The following PPM1E variants were observed in gnomAD, a reference collection of about 807,000 sequenced individuals.
The protein encoded by PPM1E is protein phosphatase 1E.
A neutral mutation model predicts 65.9 loss-of-function variants in PPM1E; 20 were observed. The observed-to-expected ratio is 0.30, with a 90% CI of 0.21 to 0.44. PPM1E has a LOEUF of 0.44. PPM1E is among the 20% of genes least tolerant of loss of function. The pLI is 1.00. For synonymous variants in PPM1E, 352 were observed against 374.9 expected (o/e 0.94, Z 0.70); for missense variants, 713 against 953.1 (o/e 0.75, Z 3.32).
intron 1 of PPM1E, chr17:58,785,458 T>TATATATATA (rs2050089464): frequency 1.1e-5 from 1 of 88,990 alleles, no homozygotes; most frequent in African/African-American, 5.4e-5. Flanking sequence ...CCTGGCTAAT[T>TATATATATA]TATATATATA....
intron 1 of PPM1E, among the ~76,000 whole-genome samples, chr17:58,813,340 T>C (rs1416328820): frequency 1.3e-5 from 2 of 152,200 alleles, no homozygotes; most frequent in African/African-American, 4.8e-5. Flanking sequence ...TTACTATTGA[T>C]AGAAAAATTA....
intron 1 of PPM1E, among the ~76,000 whole-genome samples, chr17:58,811,564 G>A (rs771750355): frequency 6.6e-6 from 1 of 152,118 alleles, no homozygotes; most frequent in Non-Finnish European, 1.5e-5. Flanking sequence ...ATTGTTAACT[G>A]TTATGTTAAA....
chr17:58,805,581 A>C (rs1444683788), intron 1 of PPM1E, among the ~76,000 whole-genome samples: 1 of 151,964 alleles, frequency 6.6e-6, no homozygotes, highest in Non-Finnish European at 1.5e-5. Context: ...CTCACCCCCT[A>C]TTATTACTGA....
chr17:58,965,958 T>G, intron 3 of PPM1E, 65 bp downstream of exon 3: 1 of 1,490,088 alleles, frequency 6.7e-7, no homozygotes, highest in South Asian at 1.2e-5. Context: ...CATGGTCCTG[T>G]TAGAAAAGGA....
chr17:58,952,135 C>A (rs2052248066), intron 1 of PPM1E, among the ~76,000 whole-genome samples: 1 of 152,170 alleles, frequency 6.6e-6, no homozygotes, highest in Non-Finnish European at 1.5e-5. Flanking sequence ...TTGTGAGTAT[C>A]CCAATGGCCT....
chr17:58,901,911 G>A (rs1339586377), intron 1 of PPM1E, among the ~76,000 whole-genome samples: 2 of 152,090 alleles, frequency 1.3e-5, no homozygotes, highest in Non-Finnish European at 2.9e-5. Context: ...ATGATGCGGA[G>A]GTTGCAGTGA....
intron 1 of PPM1E, among the ~76,000 whole-genome samples, chr17:58,855,032 G>A (rs1199199016): frequency 6.6e-6 from 1 of 152,162 alleles, no homozygotes; most frequent in Non-Finnish European, 1.5e-5. Context: ...GGAAACTCAA[G>A]TGTGGACAAC....
chr17:58,756,116 A>AACCCGG lies in PPM1E; in HGVS notation c.124_125insGACCCG (p.Pro41_Glu42insGlyPro), dbSNP rs2144115142. 6.2e-7 allele frequency: 1 copy of AACCCGG among 1,608,304 alleles called. No individual in the cohort carries two copies. Among genetic ancestry groups the AACCCGG allele is most frequent in the Non-Finnish European group, 8.5e-7 (1 of 1,177,260 alleles). ...GAGCCGGAACCCGAACCCGAACCCG[A>AACCCGG]ACCCGAACCCGAGTCCGAGCCCGAG... is the stretch of plus-strand genomic sequence containing the variant. On this transcript the variant is annotated inframe_insertion, in exon 1 of 7. Transcript: ENST00000308249.
intron 1 of PPM1E, among the ~76,000 whole-genome samples, chr17:58,925,940 A>T (rs2051818707): frequency 6.6e-6 from 1 of 152,152 alleles, no homozygotes; most frequent in African/African-American, 2.4e-5. Flanking sequence ...ATTAACTTAC[A>T]TTCTCATCAA....
intron 1 of PPM1E, among the ~76,000 whole-genome samples, chr17:58,871,656 A>G (rs2051070516): frequency 6.6e-6 from 1 of 151,948 alleles, no homozygotes. Context: ...CTCTACAAAC[A>G]ATACAAAAAA....
intron 1 of PPM1E, among the ~76,000 whole-genome samples, chr17:58,830,360 C>T (rs576187352): frequency 2.0e-5 from 3 of 151,248 alleles, no homozygotes; most frequent in African/African-American, 4.8e-5. Context: ...CAGGCTGTAG[C>T]GCAGTGGCGC....
At chr17:58,828,423 C>A (rs1279071088) in intron 1 of PPM1E, among the ~76,000 whole-genome samples, 3 of 151,958 alleles carry the variant, frequency 2.0e-5, no homozygotes, top group African/African-American at 7.2e-5. Context: ...TACATTGGAA[C>A]CACAATGGCA....
Position 58,758,231 on chromosome 17 carries a change from G to A in PPM1E, c.464+1770G>A, listed in dbSNP as rs1350623347. ...TAAAGATGATGGCAAGAAGATGTGT[G>A]TTTTTTCATATAGAAGCGGCCAGGA... On this transcript the variant is annotated intron_variant, in intron 1 of 6. Coordinates refer to ENST00000308249, the MANE Select transcript of PPM1E (RefSeq NM_014906.5). Among the ~76,000 whole-genome samples the A allele has an allele frequency of 2.6e-5, 4 of 151,924 alleles. No homozygotes were observed. In the South Asian group the frequency reaches 8.3e-4, roughly 32 times the overall value.
chr17:58,954,709 C>G (rs2090894980), intron 1 of PPM1E, among the ~76,000 whole-genome samples: 1 of 151,884 alleles, frequency 6.6e-6, no homozygotes, highest in African/African-American at 2.4e-5. Flanking sequence ...AAAACCCCAT[C>G]TCTACTAAAC....
rs1040348599 is a variant in PPM1E at position 58,972,987 on chromosome 17, A to G, written c.1210+62A>G. On this transcript the variant is annotated intron_variant, in intron 6 of 6. Coordinates refer to ENST00000308249, the MANE Select transcript of PPM1E (RefSeq NM_014906.5). ...TCTTCTAGCTCATTCTCCTGTATCA[A>G]CTCTGATACAGGGAACCTGAGATGA... The G allele has an allele frequency of 2.2e-4, 247 of 1,104,662 alleles. No individual in the cohort carries two copies. The African/African-American group carries it at 3.6e-3, about 16-fold the overall frequency. 68.4% of individuals were successfully genotyped at this position (1,104,662 alleles called of 1,614,324 possible). A position where few individuals can be genotyped will look rare whatever the true frequency, so the allele number is the denominator to read the frequency against.
At chr17:58,873,449 A>G (rs1311406584) in intron 1 of PPM1E, among the ~76,000 whole-genome samples, 1 of 152,064 alleles carries the variant, frequency 6.6e-6, no homozygotes, top group African/African-American at 2.4e-5. Flanking sequence ...GTGAAAAACC[A>G]TGTATCTAAT....
chr17:58,792,299 A>T (rs1361914887), intron 1 of PPM1E, among the ~76,000 whole-genome samples: 1 of 148,912 alleles, frequency 6.7e-6, no homozygotes, highest in African/African-American at 2.4e-5. Flanking sequence ...TAGTAATATT[A>T]TATAGTATAA....
chr17:58,898,145 A>C (rs981613774), intron 1 of PPM1E, among the ~76,000 whole-genome samples: 2 of 151,758 alleles, frequency 1.3e-5, no homozygotes, highest in Non-Finnish European at 2.9e-5. Flanking sequence ...CCAGCTACTC[A>C]GGAGGCTGAG....
At chr17:58,808,846 T>C (rs2050339078) in intron 1 of PPM1E, among the ~76,000 whole-genome samples, 2 of 152,010 alleles carry the variant, frequency 1.3e-5, no homozygotes, top group South Asian at 4.1e-4. Flanking sequence ...GAAACCACCA[T>C]GTAGTTTAAA....
Sources: gnomAD v4.1 joint callset for allele counts (sites outside exome capture counted in the v4.1 genomes callset) on GRCh38, gnomAD v4.1.1 for gene constraint, MANE v1.5 for transcripts, NCBI Gene and HGNC (gene_info 2026-07-23, HGNC 2026-07-21) for gene names.